Variants in ERBB4 observed in about 807,000 individuals in gnomAD.
ERBB4 encodes the protein receptor tyrosine-protein kinase erbB-4.
ERBB4 carries 42 observed loss-of-function variants against 158.0 expected under a neutral mutation model. The observed-to-expected ratio is 0.27, with a 90% CI of 0.21 to 0.34. The LOEUF (loss-of-function observed/expected upper bound fraction) is 0.34. Among genes scored for constraint, ERBB4 ranks in the 10% least tolerant of loss-of-function variants. The pLI, the probability that ERBB4 is intolerant of heterozygous loss-of-function variation, is 1.00. For missense variants in ERBB4, 1,333 were observed against 1,624.1 expected, an observed-to-expected ratio of 0.82 and a Z score of 3.08; for synonymous variants, 583 against 558.7, an observed-to-expected ratio of 1.04 and a Z score of -0.61.
chr2:212,527,945 CAT>C (rs1210904474), intron 1 of ERBB4, among the ~76,000 whole-genome samples: 3 of 145,710 alleles, frequency 2.1e-5, no homozygotes, highest in Non-Finnish European at 4.5e-5. Flanking sequence ...TGAGTGAGAA[CAT>C]GTGGTGTTTG....
chr2:211,438,045 T>G (rs1176067108), intron 20 of ERBB4, among the ~76,000 whole-genome samples: 2 of 152,196 alleles, frequency 1.3e-5, no homozygotes, highest in African/African-American at 2.4e-5. Flanking sequence ...GGGACCTTTT[T>G]AACCAGCAGA....
At chr2:212,151,385 A>T (rs2080864081) in intron 1 of ERBB4, among the ~76,000 whole-genome samples, 1 of 150,674 alleles carries the variant, frequency 6.6e-6, no homozygotes, top group Admixed American at 6.6e-5. Context: ...AAAGCATATA[A>T]TGTGACAATA....
chr2:211,548,308 C>T (rs953249360), intron 20 of ERBB4, among the ~76,000 whole-genome samples: 33 of 147,906 alleles, frequency 2.2e-4, no homozygotes, highest in Admixed American at 1.0e-3. Context: ...ATAGAAAGAT[C>T]GAGAGGGAAA....
intron 16 of ERBB4, among the ~76,000 whole-genome samples, chr2:211,637,896 T>A (rs1345439988): frequency 6.6e-6 from 1 of 151,950 alleles, no homozygotes; most frequent in Non-Finnish European, 1.5e-5. Flanking sequence ...ATATCATTAT[T>A]CAGGTTTTGC....
At chr2:211,952,357 A>G (rs2080895760) in intron 2 of ERBB4, among the ~76,000 whole-genome samples, 1 of 152,068 alleles carries the variant, frequency 6.6e-6, no homozygotes, top group Non-Finnish European at 1.5e-5. Flanking sequence ...AGAGTAAATA[A>G]CGTGGTTTGA....
chr2:211,415,265 C>A (rs950096038), intron 25 of ERBB4, among the ~76,000 whole-genome samples: 1 of 151,858 alleles, frequency 6.6e-6, no homozygotes, highest in East Asian at 1.9e-4. Flanking sequence ...CACAGGCGCC[C>A]GCCACCACGC....
intron 20 of ERBB4, among the ~76,000 whole-genome samples, chr2:211,444,554 T>C (rs566096353): frequency 2.2e-4 from 33 of 152,232 alleles, no homozygotes; most frequent in African/African-American, 6.3e-4. Context: ...TATTTGTGTA[T>C]AGGTATGCAT....
chr2:212,184,643 T>C lies in ERBB4; in HGVS notation c.83-59740A>G, dbSNP rs544116814. Among the ~76,000 whole-genome samples, 11 of 144,750 alleles carry C rather than the reference T, an allele frequency of 7.6e-5. No homozygotes were observed. In the South Asian group the frequency reaches 2.5e-3, roughly 34 times the overall value. 95.0% of individuals were successfully genotyped at this position (144,750 alleles called of 152,430 possible). ...AGTAAACAAAATGTCTTTGTGTTCG[T>C]TTGTTTTTGTTTATTTTACCTACTA... On this transcript the variant is annotated intron_variant, in intron 1 of 27. Transcript: ENST00000342788.
intron 3 of ERBB4, among the ~76,000 whole-genome samples, chr2:211,946,057 A>G (rs762577547): frequency 1.0e-4 from 15 of 150,432 alleles, no homozygotes; most frequent in Non-Finnish European, 1.6e-4. Flanking sequence ...TTATTTCTAT[A>G]TAAGTAGCAA....
chr2:212,205,225 A>ATCTC (rs2082711403), intron 1 of ERBB4, among the ~76,000 whole-genome samples: 1 of 151,884 alleles, frequency 6.6e-6, no homozygotes, highest in Admixed American at 6.6e-5. Context: ...CAGTGGCACG[A>ATCTC]TCTCTGCTCA....
At chr2:211,388,310 T>C (rs2062730019) in intron 25 of ERBB4, among the ~76,000 whole-genome samples, 1 of 152,152 alleles carries the variant, frequency 6.6e-6, no homozygotes, top group South Asian at 2.1e-4. Flanking sequence ...AAAGGAAAAG[T>C]AGTAAATGAA....
chr2:211,924,485 A>T (rs1282428069), intron 3 of ERBB4, among the ~76,000 whole-genome samples: 1 of 152,184 alleles, frequency 6.6e-6, no homozygotes, highest in Non-Finnish European at 1.5e-5. Context: ...AAAAAAAATA[A>T]AAGCACATAA....
At chr2:212,161,840 T>C (rs1006715255) in intron 1 of ERBB4, among the ~76,000 whole-genome samples, 1 of 151,842 alleles carries the variant, frequency 6.6e-6, no homozygotes, top group African/African-American at 2.4e-5. Flanking sequence ...AATATTCTCC[T>C]ATGAATTGGG....
At chr2:211,628,682 C>A (rs1335480189) in intron 17 of ERBB4, among the ~76,000 whole-genome samples, 4 of 152,266 alleles carry the variant, frequency 2.6e-5, no homozygotes, top group Admixed American at 6.5e-5. Flanking sequence ...TGGGTATATA[C>A]CCAGTAATGG....
intron 20 of ERBB4, among the ~76,000 whole-genome samples, chr2:211,505,492 C>T (rs1181367104): frequency 7.2e-6 from 1 of 138,986 alleles, no homozygotes; most frequent in Non-Finnish European, 1.6e-5. Context: ...TGATACTCAC[C>T]ATCATAAAAA....
chr2:212,394,445 C>T (rs1334444937), intron 1 of ERBB4, among the ~76,000 whole-genome samples: 1 of 151,804 alleles, frequency 6.6e-6, no homozygotes, highest in Non-Finnish European at 1.5e-5. Flanking sequence ...TAAATAAGGC[C>T]TCAGATATAA....
intron 1 of ERBB4, among the ~76,000 whole-genome samples, chr2:212,327,628 G>A (rs1232596590): frequency 6.6e-6 from 1 of 151,748 alleles, no homozygotes; most frequent in Non-Finnish European, 1.5e-5. Flanking sequence ...AACATTAAGT[G>A]GGTCTGGGGA....
At chr2:211,656,623 C>T (rs1300935669) in intron 16 of ERBB4, among the ~76,000 whole-genome samples, 1 of 152,198 alleles carries the variant, frequency 6.6e-6, no homozygotes, top group Non-Finnish European at 1.5e-5. Context: ...ATCTCCTTCC[C>T]TTTTCCAGTC....
chr2:212,295,891 C>T (rs2086393008), intron 1 of ERBB4, among the ~76,000 whole-genome samples: 1 of 152,032 alleles, frequency 6.6e-6, no homozygotes, highest in Non-Finnish European at 1.5e-5. Flanking sequence ...GAACATAAAA[C>T]TTAAATTGCT....
Sources: allele counts gnomAD v4.1 joint callset (sites outside exome capture counted in the v4.1 genomes callset), GRCh38; gene constraint gnomAD v4.1.1; transcripts MANE v1.5; gene names NCBI Gene and HGNC (gene_info 2026-07-23, HGNC 2026-07-21).